The following CACNA1C variants were observed in gnomAD, a reference collection of about 807,000 sequenced individuals.
CACNA1C encodes voltage-dependent L-type calcium channel subunit alpha-1C.
A neutral mutation model predicts 229.0 loss-of-function variants in CACNA1C; 30 were observed. The observed-to-expected ratio is 0.13, with a 90% CI of 0.10 to 0.18. CACNA1C has a LOEUF of 0.18. Among genes scored for constraint, CACNA1C ranks in the 10% least tolerant of loss-of-function variants. The pLI, the probability that CACNA1C is intolerant of heterozygous loss-of-function variation, is 1.00. For missense variants in CACNA1C, 1,658 were observed against 2,845.0 expected, an observed-to-expected ratio of 0.58 and a Z score of 9.49; for synonymous variants, 1,114 against 1,132.5, an observed-to-expected ratio of 0.98 and a Z score of 0.33.
rs2076278633 is a variant in CACNA1C at position 2,608,464 on chromosome 12, GA to G, written c.3357-46del. 4 of 1,446,898 alleles carry G rather than the reference GA, an allele frequency of 2.8e-6. No homozygotes were observed. In the East Asian group the frequency reaches 9.6e-5, roughly 35 times the overall value. 89.6% of individuals were successfully genotyped at this position (1,446,898 alleles called of 1,614,324 possible). A position where few individuals can be genotyped will look rare whatever the true frequency, so the allele number is the denominator to read the frequency against. On this transcript the variant is annotated intron_variant, in intron 26 of 46. Coordinates refer to ENST00000399655, the MANE Select transcript of CACNA1C (RefSeq NM_000719.7). The surrounding 1 kb of genome is among the most constrained non-coding windows in gnomAD (Gnocchi z 4.2). Reference sequence around the variant, plus strand: ...AGTGGTGCCGTCCTTCCGCAGAGGGGACCCTGCTTCTCCAGTTCCCTCTGTG... The same window carrying G: ...AGTGGTGCCGTCCTTCCGCAGAGGGGCCCTGCTTCTCCAGTTCCCTCTGTG...
intron 29 of CACNA1C, among the ~76,000 whole-genome samples, chr12:2,615,822 G>A (rs760031711): frequency 6.6e-6 from 1 of 151,690 alleles, no homozygotes; most frequent in Non-Finnish European, 1.5e-5. Flanking sequence ...CAAGGGTACT[G>A]GGGGGGAGGA....
intron 10 of CACNA1C, among the ~76,000 whole-genome samples, chr12:2,553,586 A>C (rs976097772): frequency 1.1e-4 from 16 of 152,234 alleles, no homozygotes; most frequent in African/African-American, 3.9e-4. Flanking sequence ...ATGTGCAGTC[A>C]GCCGTATTTT....
At chr12:2,237,155 TG>T in intron 3 of CACNA1C, among the ~76,000 whole-genome samples, 1 of 152,296 alleles carries the variant, frequency 6.6e-6, no homozygotes, top group African/African-American at 2.4e-5. Flanking sequence ...ATGGTGCCCT[TG>T]GGGGGAAATC....
At chr12:2,582,644 T>G (rs142785178) in intron 14 of CACNA1C, among the ~76,000 whole-genome samples, 178 bp from the exon 15 acceptor site, 1 of 152,156 alleles carries the variant, frequency 6.6e-6, no homozygotes, top group Non-Finnish European at 1.5e-5. Context: ...GCATTTTGTC[T>G]AAGGACAGTT....
intron 3 of CACNA1C, among the ~76,000 whole-genome samples, chr12:2,157,054 T>C (rs2095588880): frequency 6.6e-6 from 1 of 152,158 alleles, no homozygotes; most frequent in Admixed American, 6.5e-5. Flanking sequence ...GAAATTGTGG[T>C]ATCAGGTATT....
intron 3 of CACNA1C, among the ~76,000 whole-genome samples, chr12:2,160,923 G>A (rs2095822731): frequency 2.0e-5 from 3 of 152,220 alleles, no homozygotes. Context: ...CCAGGTTCAA[G>A]CGATTCTCCT....
intron 1 of CACNA1C, among the ~76,000 whole-genome samples, chr12:2,038,355 T>G (rs2049503134): frequency 6.6e-6 from 1 of 152,196 alleles, no homozygotes; most frequent in African/African-American, 2.4e-5. Flanking sequence ...TTATAATCAC[T>G]AATAGGATGC....
intron 3 of CACNA1C, among the ~76,000 whole-genome samples, chr12:2,196,056 T>C (rs2154307010): frequency 6.6e-6 from 1 of 152,358 alleles, no homozygotes; most frequent in Admixed American, 6.5e-5. Context: ...TTCAGGGATG[T>C]GGAGCTTATT....
chr12:2,231,933 T>C (rs981660367), intron 3 of CACNA1C, among the ~76,000 whole-genome samples: 2 of 152,222 alleles, frequency 1.3e-5, no homozygotes, highest in Non-Finnish European at 2.9e-5. Context: ...TTTTTACATT[T>C]TATTTTGAAA....
chr12:2,682,426 G>C, intron 42 of CACNA1C, 124 bp from the exon 43 acceptor site: 1 of 1,126,838 alleles, frequency 8.9e-7, no homozygotes, highest in Non-Finnish European at 1.3e-6. Context: ...GTTCACGTGT[G>C]TGTGCTTGTG....
chr12:2,559,806 G>T (rs528950586), intron 11 of CACNA1C, among the ~76,000 whole-genome samples: 1 of 152,222 alleles, frequency 6.6e-6, no homozygotes, highest in East Asian at 1.9e-4. Flanking sequence ...CGCAGAGTGT[G>T]TAACTCTAGA....
rs540337447 is a variant in CACNA1C at position 2,552,226 on chromosome 12, G to C, written c.1481+2193G>C. Reference sequence around the variant, plus strand: ...CTGCCCAGCTTGGTGCTAAGGCTAGGTGGTGGTGACACACAACAGGGAGGA... The same window carrying C: ...CTGCCCAGCTTGGTGCTAAGGCTAGCTGGTGGTGACACACAACAGGGAGGA... On this transcript the variant is annotated intron_variant, in intron 10 of 46. Coordinates refer to ENST00000399655, the MANE Select transcript of CACNA1C (RefSeq NM_000719.7). Among the ~76,000 whole-genome samples, 6 of 152,376 alleles carry C rather than the reference G, an allele frequency of 3.9e-5. No homozygotes were observed. In the South Asian group the frequency reaches 1.2e-3, roughly 32 times the overall value.
chr12:2,032,848 A>G (rs893956537), intron 1 of CACNA1C, among the ~76,000 whole-genome samples: 1 of 152,268 alleles, frequency 6.6e-6, no homozygotes. Flanking sequence ...AAATATTTAT[A>G]GAACGAGGTC....
intron 3 of CACNA1C, among the ~76,000 whole-genome samples, chr12:2,263,190 G>A (rs2081013922): frequency 6.6e-6 from 1 of 152,112 alleles, no homozygotes; most frequent in South Asian, 2.1e-4. Context: ...CAAGGGAGCA[G>A]GAGGGCCAGG....
Position 2,143,946 on chromosome 12 carries a change from T to G in CACNA1C, c.477+23516T>G, listed in dbSNP as rs537455098. ...TGCTATTTACATGCTATCTATATGATGTAAGTTGTGTCTTTACTTTTCAGC... is the reference window on the plus strand; with the variant it reads ...TGCTATTTACATGCTATCTATATGAGGTAAGTTGTGTCTTTACTTTTCAGC... On this transcript the variant is annotated intron_variant, in intron 3 of 46. Transcript: ENST00000399655. Among the ~76,000 whole-genome samples, 23 of 151,116 alleles carry G rather than the reference T, an allele frequency of 1.5e-4. 1 individual carries two copies. The highest frequency in any genetic ancestry group is 5.1e-4 in the African/African-American group (21 of 41,434).
Position 2,646,915 on chromosome 12 carries a change from A to G in CACNA1C, c.3913-1560A>G, listed in dbSNP as rs1290106482. ...GACTGACCTGGCAGGTGGAATCTTC[A>G]TGAAGCAGAAGCTGAGATCTAGAGA... On this transcript the variant is annotated intron_variant, in intron 30 of 46. Transcript: ENST00000399655. The surrounding 1 kb of genome is among the most constrained non-coding windows in gnomAD (Gnocchi z 4.6). Among the ~76,000 whole-genome samples the G allele has an allele frequency of 2.0e-5, 3 of 152,144 alleles. No homozygotes were observed. The highest frequency in any genetic ancestry group is 3.9e-4 in the East Asian group (2 of 5,184).
intron 3 of CACNA1C, among the ~76,000 whole-genome samples, chr12:2,292,615 T>TGTACC (rs1208349034): frequency 6.6e-6 from 1 of 152,216 alleles, no homozygotes; most frequent in Admixed American, 6.5e-5. Context: ...TACTAAATAC[T>TGTACC]GTACCGGCAC....
intron 9 of CACNA1C, among the ~76,000 whole-genome samples, chr12:2,544,776 G>C (rs895147613): frequency 1.3e-5 from 2 of 152,210 alleles, no homozygotes; most frequent in African/African-American, 4.8e-5. Context: ...GAGAGGTCGG[G>C]TGAATATGGG....
At chr12:2,449,346 T>C (rs913774837) in intron 4 of CACNA1C, among the ~76,000 whole-genome samples, 1 of 152,182 alleles carries the variant, frequency 6.6e-6, no homozygotes, top group Non-Finnish European at 1.5e-5. Flanking sequence ...CCTCGCAGGT[T>C]GAATCCAAGG....
Sources: gnomAD v4.1 joint callset for allele counts (sites outside exome capture counted in the v4.1 genomes callset) on GRCh38, gnomAD v4.1.1 for gene constraint, Gnocchi (gnomAD v3.1) non-coding constraint, MANE v1.5 for transcripts, NCBI Gene and HGNC (gene_info 2026-07-23, HGNC 2026-07-21) for gene names.